The following NCAM2 variants were observed in gnomAD, a reference collection of about 807,000 sequenced individuals.
NCAM2 encodes N-CAM-2.
NCAM2 carries 30 observed loss-of-function variants against 98.1 expected under a neutral mutation model. That is an observed-to-expected ratio of 0.31 (90% CI 0.23 to 0.41). NCAM2 has a LOEUF of 0.41. NCAM2 is among the 10% of genes least tolerant of loss of function. The pLI is 1.00. For synonymous variants in NCAM2, 368 were observed against 342.4 expected (o/e 1.07, Z -0.83); for missense variants, 867 against 1,005.8 (o/e 0.86, Z 1.87).
intron 1 of NCAM2, among the ~76,000 whole-genome samples, chr21:21,204,475 T>G (rs1195152786): frequency 6.6e-6 from 1 of 152,136 alleles, no homozygotes; most frequent in Non-Finnish European, 1.5e-5. Context: ...AGAAAGATAT[T>G]TGTTTTGTTC....
intron 15 of NCAM2, among the ~76,000 whole-genome samples, chr21:21,479,256 A>G (rs1260649571): frequency 6.6e-6 from 1 of 152,092 alleles, no homozygotes; most frequent in Non-Finnish European, 1.5e-5. Context: ...ACAGATTACT[A>G]AATGTTATAC....
chr21:21,199,814 T>C (rs572631339), intron 1 of NCAM2, among the ~76,000 whole-genome samples: 1 of 152,214 alleles, frequency 6.6e-6, no homozygotes, highest in East Asian at 1.9e-4. Context: ...TTCTTATACT[T>C]ATGAATGTGA....
intron 15 of NCAM2, among the ~76,000 whole-genome samples, chr21:21,485,530 A>G (rs1427413177): frequency 6.6e-6 from 1 of 152,192 alleles, no homozygotes; most frequent in Non-Finnish European, 1.5e-5. Flanking sequence ...GATTTGAGGG[A>G]GTAGCATGAA....
At chr21:21,213,894 A>C (rs2069760770) in intron 1 of NCAM2, among the ~76,000 whole-genome samples, 1 of 152,120 alleles carries the variant, frequency 6.6e-6, no homozygotes, top group African/African-American at 2.4e-5. Flanking sequence ...AGGCCTTGCA[A>C]TCATAGACCT....
At chr21:21,423,343 C>T (rs1277201300) in intron 11 of NCAM2, among the ~76,000 whole-genome samples, 1 of 152,134 alleles carries the variant, frequency 6.6e-6, no homozygotes, top group Admixed American at 6.6e-5. Context: ...TGAGTTAATG[C>T]ATTCAAGCAC....
chr21:21,166,928 G>A (rs1385622898), intron 1 of NCAM2, among the ~76,000 whole-genome samples: 1 of 152,072 alleles, frequency 6.6e-6, no homozygotes, highest in African/African-American at 2.4e-5. Flanking sequence ...CAGACTAAAC[G>A]CCATTTCATC....
intron 15 of NCAM2, among the ~76,000 whole-genome samples, chr21:21,479,321 C>A (rs1985556609): frequency 6.6e-6 from 1 of 151,974 alleles, no homozygotes; most frequent in African/African-American, 2.4e-5. Context: ...CGGTGGCTCA[C>A]ACCTGTAATC....
chr21:21,341,287 A>G (rs1185717439), intron 8 of NCAM2, among the ~76,000 whole-genome samples: 1 of 152,112 alleles, frequency 6.6e-6, no homozygotes, highest in Non-Finnish European at 1.5e-5. Context: ...GAAAATGCAG[A>G]TTCTAGATTC....
intron 1 of NCAM2, chr21:21,147,324 A>T: frequency 1.0e-6 from 1 of 970,960 alleles, no homozygotes; most frequent in African/African-American, 1.8e-5. Flanking sequence ...TTATTTGTTG[A>T]ATGTTGAAAG....
chr21:21,148,821 A>C (rs2067364608), intron 1 of NCAM2, among the ~76,000 whole-genome samples: 1 of 152,202 alleles, frequency 6.6e-6, no homozygotes, highest in Non-Finnish European at 1.5e-5. Flanking sequence ...AATAATTATA[A>C]TCTGGGAATT....
At chr21:21,230,055 TA>T (rs1408013960) in intron 1 of NCAM2, among the ~76,000 whole-genome samples, 1 of 151,370 alleles carries the variant, frequency 6.6e-6, no homozygotes, top group Non-Finnish European at 1.5e-5. Flanking sequence ...TAACAATGAG[TA>T]ATCTTAGGCA....
At chr21:21,518,129 T>C (rs539067173) in intron 16 of NCAM2, among the ~76,000 whole-genome samples, 2 of 152,146 alleles carry the variant, frequency 1.3e-5, no homozygotes, top group Non-Finnish European at 2.9e-5. Flanking sequence ...TAATAATAAT[T>C]TATGCATCAG....
chr21:21,134,860 C>T (rs890022831), intron 1 of NCAM2, among the ~76,000 whole-genome samples: 2 of 151,854 alleles, frequency 1.3e-5, no homozygotes, highest in African/African-American at 2.4e-5. Flanking sequence ...GCTACAGCCA[C>T]GTGCCACCAC....
intron 1 of NCAM2, among the ~76,000 whole-genome samples, chr21:21,202,516 A>G (rs1044895351): frequency 7.1e-6 from 1 of 140,548 alleles, no homozygotes; most frequent in Non-Finnish European, 1.5e-5. Flanking sequence ...TCCCAGGTTC[A>G]AGCGGTTCTC....
intron 15 of NCAM2, among the ~76,000 whole-genome samples, chr21:21,484,427 A>G (rs544756888): frequency 2.6e-5 from 4 of 151,660 alleles, no homozygotes; most frequent in South Asian, 2.1e-4. Context: ...TTCTTATTCT[A>G]TTTTCAAAAA....
At chr21:21,021,182 CA>C (rs1161798186) in intron 1 of NCAM2, among the ~76,000 whole-genome samples, 4 of 150,536 alleles carry the variant, frequency 2.7e-5, no homozygotes, top group Non-Finnish European at 4.4e-5. Context: ...TTCTATGGAT[CA>C]TTTTTTTTTT....
At chr21:21,536,275 A>T (rs150626768) in intron 17 of NCAM2, among the ~76,000 whole-genome samples, 44 of 152,226 alleles carry the variant, frequency 2.9e-4, no homozygotes, top group African/African-American at 9.4e-4. Flanking sequence ...TACCCTTCTC[A>T]TTCAAAAATA....
In NCAM2 at chr21:21,512,245, A is replaced by T. The variant is rs1433568647; in HGVS notation, c.2282+3190A>T. Among the ~76,000 whole-genome samples, 3 of 151,918 alleles carry T rather than the reference A, an allele frequency of 2.0e-5. No homozygotes were observed. In the South Asian group the frequency reaches 6.2e-4, roughly 31 times the overall value. ...GATTTGGTCTTCGATTTAAGTCATT[A>T]TTCTGTTTTGATTTGTTCTTTGTAT... is the stretch of plus-strand genomic sequence containing the variant. On this transcript the variant is annotated intron_variant, in intron 16 of 17. Coordinates refer to ENST00000400546, the MANE Select transcript of NCAM2 (RefSeq NM_004540.5).
chr21:21,478,818 T>G (rs1250791552), intron 15 of NCAM2, among the ~76,000 whole-genome samples: 1 of 152,132 alleles, frequency 6.6e-6, no homozygotes, highest in East Asian at 1.9e-4. Context: ...AATATGATTT[T>G]AAGAGGTTTA....
Sources: allele counts gnomAD v4.1 joint callset (sites outside exome capture counted in the v4.1 genomes callset), GRCh38; gene constraint gnomAD v4.1.1; transcripts MANE v1.5; gene names NCBI Gene and HGNC (gene_info 2026-07-23, HGNC 2026-07-21).